The following C9orf85 variants were observed in gnomAD, a reference collection of about 807,000 sequenced individuals.
C9orf85 encodes uncharacterized protein C9orf85.
C9orf85 carries 16 observed loss-of-function variants against 14.9 expected under a neutral mutation model. The ratio of observed to expected loss-of-function variants is 1.08; its 90% CI spans 0.73 to 1.63. The LOEUF is 1.63. Ranked by LOEUF, C9orf85 falls within the 40% of genes most tolerant of loss-of-function variation. The probability of loss-of-function intolerance (pLI) is 0.00; values close to 1 mark genes in which losing one functional copy is unlikely to be tolerated. For synonymous variants in C9orf85, 45 were observed against 56.8 expected, an observed-to-expected ratio of 0.79 and a Z score of 0.93; for missense variants, 172 against 186.1, an observed-to-expected ratio of 0.92 and a Z score of 0.44.
At chr9:71,978,903 C>T (rs957083105) in intron 3 of C9orf85, among the ~76,000 whole-genome samples, 3 of 152,038 alleles carry the variant, frequency 2.0e-5, no homozygotes, top group Non-Finnish European at 4.4e-5. Context: ...GGCGTGGAGG[C>T]GGGTGCCTGT....
At chr9:71,943,533 CTTTT>C (rs568631055) in intron 1 of C9orf85, among the ~76,000 whole-genome samples, 1 of 151,224 alleles carries the variant, frequency 6.6e-6, no homozygotes, top group Admixed American at 6.6e-5. Flanking sequence ...CGCCCAGCTT[CTTTT>C]TTTTGTTTTT....
intron 1 of C9orf85, among the ~76,000 whole-genome samples, chr9:71,927,235 G>C (rs1282659152): frequency 1.4e-5 from 2 of 142,966 alleles, no homozygotes; most frequent in Admixed American, 7.3e-5. Context: ...TCATATGTCA[G>C]GGCAAAAAAT....
At chr9:71,939,315 C>G (rs757739445) in intron 1 of C9orf85, among the ~76,000 whole-genome samples, 9 of 151,724 alleles carry the variant, frequency 5.9e-5, no homozygotes, top group Non-Finnish European at 1.2e-4. Flanking sequence ...CCAAAACAGA[C>G]AAAACCAAAA....
At chr9:71,940,038 GA>G (rs748638369) in intron 1 of C9orf85, among the ~76,000 whole-genome samples, 2 of 151,820 alleles carry the variant, frequency 1.3e-5, no homozygotes, top group Non-Finnish European at 1.5e-5. Flanking sequence ...GTTCATGAAA[GA>G]AAAAAATTGA....
At chr9:71,952,764 A>G (rs1003948418) in intron 2 of C9orf85, among the ~76,000 whole-genome samples, 3 of 151,786 alleles carry the variant, frequency 2.0e-5, no homozygotes, top group African/African-American at 7.3e-5. Flanking sequence ...ACCTTTTTTG[A>G]CTTTTATTTC....
At chr9:71,946,069 T>C (rs1822079143) in intron 1 of C9orf85, among the ~76,000 whole-genome samples, 1 of 152,242 alleles carries the variant, frequency 6.6e-6, no homozygotes, top group East Asian at 1.9e-4. Flanking sequence ...AAACTTTTCC[T>C]TATAAAGCCC....
Position 71,947,075 on chromosome 9 carries a change from TA to T in C9orf85, c.173del (p.Tyr58SerfsTer21), listed in dbSNP as rs780941035. 1.5e-5 allele frequency: 24 copies of T among 1,613,188 alleles called. No individual in the cohort carries two copies. The highest frequency in any genetic ancestry group is 2.0e-5 in the Non-Finnish European group (24 of 1,179,522). On this transcript the variant is annotated frameshift_variant, in exon 2 of 4. Coordinates refer to ENST00000334731, the MANE Select transcript of C9orf85 (RefSeq NM_182505.5). LOFTEE classifies it high-confidence loss of function. The stretch of plus-strand genomic sequence containing the variant: ...AGAAGTTCTTGAGTGGCGTGTAAAA[TA>T]CAGCAAATACAAACCATTATCAAAA... ...CKEVLEWRVK[Y>X]SKYKPLSKPK...
Position 71,972,677 on chromosome 9 carries a change from T to A in C9orf85, c.324-15T>A, listed in dbSNP as rs1381342747. 1.3e-6 allele frequency: 2 copies of A among 1,528,644 alleles called. No individual in the cohort carries two copies. Among genetic ancestry groups the A allele is most frequent in the African/African-American group, 2.8e-5 (2 of 71,620 alleles). 94.7% of individuals were successfully genotyped at this position (1,528,644 alleles called of 1,614,324 possible). On this transcript the variant is annotated splice_polypyrimidine_tract_variant and intron_variant, in intron 3 of 3. Coordinates refer to ENST00000334731, the MANE Select transcript of C9orf85 (RefSeq NM_182505.5). The stretch of plus-strand genomic sequence containing the variant: ...AGCCTGGGAAATAAATAGAAATTTT[T>A]TCTTTCATCTTTAGGTTGAATAAAG...
intron 2 of C9orf85, among the ~76,000 whole-genome samples, chr9:71,952,390 A>G (rs1270908908): frequency 6.6e-6 from 1 of 151,902 alleles, no homozygotes; most frequent in African/African-American, 2.4e-5. Context: ...TTTGAGACGG[A>G]GTCTCGCTCT....
rs1828169233 is a variant in C9orf85, at chr9:71,935,609, C to G, written c.103-11397C>G. ...CAGTTTGAGATCAGCCAGGGCAACA[C>G]AGCGAGACCCTGCCCCCCGACCCAA... On this transcript the variant is annotated intron_variant, in intron 1 of 3. Coordinates refer to ENST00000334731, the MANE Select transcript of C9orf85 (RefSeq NM_182505.5). Among the ~76,000 whole-genome samples, 3 of 149,198 alleles carry G rather than the reference C, an allele frequency of 2.0e-5. No homozygotes were observed. In the South Asian group the frequency reaches 6.4e-4, roughly 32 times the overall value.
chr9:71,974,513 A>AATT, downstream of C9orf85, among the ~76,000 whole-genome samples: 1 of 152,084 alleles, frequency 6.6e-6, no homozygotes, highest in East Asian at 1.9e-4. Flanking sequence ...GAAATGCTGG[A>AATT]ATTACAGACA....
intron 3 of C9orf85, among the ~76,000 whole-genome samples, chr9:71,980,859 C>T (rs899555541): frequency 6.6e-6 from 1 of 152,206 alleles, no homozygotes; most frequent in East Asian, 1.9e-4. Context: ...TGCCAGTGGA[C>T]AGTGACAAAA....
At chr9:71,981,354 T>G (rs1021730554) in intron 3 of C9orf85, among the ~76,000 whole-genome samples, 11 of 152,242 alleles carry the variant, frequency 7.2e-5, no homozygotes, top group Non-Finnish European at 2.9e-5. Flanking sequence ...ACATGGGACA[T>G]GCTTCTAGTC....
chr9:71,982,255 A>G (rs1823110043), intron 3 of C9orf85, among the ~76,000 whole-genome samples: 1 of 151,800 alleles, frequency 6.6e-6, no homozygotes. Context: ...TCTGAATAGC[A>G]TTCCATTGTA....
chr9:71,981,054 T>A (rs1412549031), intron 3 of C9orf85, among the ~76,000 whole-genome samples: 1 of 152,218 alleles, frequency 6.6e-6, no homozygotes, highest in East Asian at 1.9e-4. Flanking sequence ...TGTGAGAGGA[T>A]ATCCAACAGA....
chr9:71,981,749 T>A (rs1013300441), intron 3 of C9orf85, among the ~76,000 whole-genome samples: 8 of 152,114 alleles, frequency 5.3e-5, no homozygotes, highest in African/African-American at 1.9e-4. Flanking sequence ...GGGGCTATGA[T>A]TTTTTTGCTG....
At chr9:71,975,333 C>A (rs1554710014), downstream of C9orf85, among the ~76,000 whole-genome samples, 1 of 150,698 alleles carries the variant, frequency 6.6e-6, no homozygotes, top group East Asian at 2.0e-4. Flanking sequence ...CCCAGCTACT[C>A]CGGAGGCTGA....
At chr9:71,924,145 A>G (rs540968526) in intron 1 of C9orf85, among the ~76,000 whole-genome samples, 1 of 152,298 alleles carries the variant, frequency 6.6e-6, no homozygotes, top group South Asian at 2.1e-4. Context: ...AACAGTGATT[A>G]ATTTGGTCCC....
rs1822109053 is a variant in C9orf85 at position 71,946,989 on chromosome 9, TTC to T, written c.103-15_103-14del. On this transcript the variant is annotated splice_polypyrimidine_tract_variant and intron_variant, in intron 1 of 3. Coordinates refer to ENST00000334731, the MANE Select transcript of C9orf85 (RefSeq NM_182505.5). The stretch of plus-strand genomic sequence containing the variant: ...CACGCGTGAAATTCTCAATTTGTCT[TTC>T]TGTTTGTTTTTAAGAAAATTAATGC... The T allele has an allele frequency of 5.7e-6, 9 of 1,579,596 alleles. No individual in the cohort carries two copies. The highest frequency in any genetic ancestry group is 7.8e-6 in the Non-Finnish European group (9 of 1,151,746).
Sources: allele counts gnomAD v4.1 joint callset (sites outside exome capture counted in the v4.1 genomes callset), GRCh38; gene constraint gnomAD v4.1.1; transcripts MANE v1.5; gene names NCBI Gene and HGNC (gene_info 2026-07-23, HGNC 2026-07-21).